The following NFX1 variants were observed in gnomAD, a reference collection of about 807,000 sequenced individuals.
The protein encoded by NFX1 is nuclear transcription factor, X-box binding 1.
In NFX1, 69 loss-of-function variants were observed where a neutral mutation model predicts 137.2. That is an observed-to-expected ratio of 0.50 (90% CI 0.41 to 0.61). The LOEUF is 0.61. Among genes scored for constraint, NFX1 ranks in the 20% least tolerant of loss-of-function variants. NFX1 has a pLI of 0.00. For missense variants in NFX1, 1,167 were observed against 1,391.0 expected (o/e 0.84, Z 2.56); for synonymous variants, 495 against 474.1 (o/e 1.04, Z -0.57).
Position 33,343,979 on chromosome 9 carries a change from G to C in NFX1, c.2225-90G>C, listed in dbSNP as rs1823317826. The C allele has an allele frequency of 7.7e-6, 12 of 1,548,950 alleles. No homozygotes were observed. In the South Asian group the frequency reaches 1.4e-4, roughly 18 times the overall value. On this transcript the variant is annotated intron_variant, in intron 13 of 23. Transcript: ENST00000379540. The stretch of plus-strand genomic sequence containing the variant: ...CATAAATTCTCCTCTAAAAATACAA[G>C]CAAAAATGTGTGTGTTTGTGTGTGT...
chr9:33,352,724 G>T lies in NFX1; in HGVS notation c.2729+5G>T. 6.2e-7 allele frequency: 1 copy of T among 1,612,466 alleles called. No homozygotes were observed. The highest frequency in any genetic ancestry group is 1.1e-5 in the South Asian group (1 of 91,032). ...AGCATCTAGTACTTATCAAAGGTTA[G>T]TGTTACTTAAATGTTAACAACTGAT... On this transcript the variant is annotated splice_donor_5th_base_variant and intron_variant, in intron 17 of 23. Transcript: ENST00000379540.
chr9:33,345,092 G>A (rs1474846192), intron 14 of NFX1, among the ~76,000 whole-genome samples: 1 of 152,170 alleles, frequency 6.6e-6, no homozygotes, highest in East Asian at 1.9e-4. Context: ...AATCCGGGAG[G>A]CAGAGGTTGC....
intron 18 of NFX1, 115 bp from the exon 19 acceptor site, chr9:33,354,736 G>GT: frequency 2.1e-6 from 2 of 962,642 alleles, no homozygotes; most frequent in Admixed American, 3.1e-5. Flanking sequence ...CTGAGGGATT[G>GT]TTTTTTGGCA....
chr9:33,308,333 T>C (rs762974777), intron 5 of NFX1, among the ~76,000 whole-genome samples: 2 of 152,150 alleles, frequency 1.3e-5, no homozygotes, highest in African/African-American at 4.8e-5. Context: ...TCCCAGCTAC[T>C]TGGGAGGCTG....
chr9:33,302,967 C>CTT (rs35723578), intron 3 of NFX1, among the ~76,000 whole-genome samples: 6 of 119,294 alleles, frequency 5.0e-5, no homozygotes, highest in East Asian at 4.7e-4. Context: ...CACACCTGGC[C>CTT]TTTTTTTTTT....
chr9:33,362,909 G>A (rs2118690962), intron 19 of NFX1, among the ~76,000 whole-genome samples: 1 of 152,084 alleles, frequency 6.6e-6, no homozygotes, highest in South Asian at 2.1e-4. Context: ...TCTCCATGTT[G>A]GTCAGGCTGG....
intron 14 of NFX1, among the ~76,000 whole-genome samples, chr9:33,346,496 A>C (rs191149095): frequency 6.6e-6 from 1 of 152,294 alleles, no homozygotes; most frequent in Admixed American, 6.5e-5. Flanking sequence ...AGATGGGCTA[A>C]ATAATGTGGC....
At chr9:33,300,140 C>A (rs959665524) in intron 2 of NFX1, among the ~76,000 whole-genome samples, 2 of 139,054 alleles carry the variant, frequency 1.4e-5, no homozygotes, top group African/African-American at 5.6e-5. Flanking sequence ...CGGCTCACTG[C>A]AACCTCCGCC....
intron 7 of NFX1, among the ~76,000 whole-genome samples, chr9:33,317,844 C>T (rs888313369): frequency 6.6e-6 from 1 of 151,478 alleles, no homozygotes; most frequent in Non-Finnish European, 1.5e-5. Flanking sequence ...GGCGTGGTGG[C>T]GGGCCCCTAT....
intron 2 of NFX1, among the ~76,000 whole-genome samples, chr9:33,300,450 T>C (rs911814191): frequency 6.6e-6 from 1 of 152,160 alleles, no homozygotes. Context: ...TTTTAACTTA[T>C]TTAGACCTGA....
rs1049798705 is a variant in NFX1 at position 33,338,372 on chromosome 9, A to G, written c.2036-138A>G. On this transcript the variant is annotated intron_variant, in intron 11 of 23. Coordinates refer to ENST00000379540, the MANE Select transcript of NFX1 (RefSeq NM_002504.6). ...TCCATCTCAAAAAACAAAACAAAACAAAAAAAACTGCATTTACATTATTAC... is the reference window on the plus strand; with the variant it reads ...TCCATCTCAAAAAACAAAACAAAACGAAAAAAACTGCATTTACATTATTAC... 6.4e-6 allele frequency: 5 copies of G among 781,702 alleles called. No homozygotes were observed. In the African/African-American group the frequency reaches 9.0e-5, roughly 14 times the overall value. 48.4% of individuals were successfully genotyped at this position (781,702 alleles called of 1,614,324 possible).
chr9:33,313,550 G>A, intron 6 of NFX1, 104 bp from the exon 7 acceptor site: 1 of 1,073,382 alleles, frequency 9.3e-7, no homozygotes, highest in Non-Finnish European at 1.4e-6. Context: ...GTTAGAGAAA[G>A]GCTTAGTGGG....
Position 33,290,540 on chromosome 9 carries a change from C to T in NFX1, c.-33C>T. ...TGACCTGGTGACAGTGCTGACTTGG[C>T]TGTACAGCTCGATCTAGGTTCTGCG... On this transcript the variant is annotated 5_prime_UTR_variant, in exon 1 of 24. Transcript: ENST00000379540. The T allele has an allele frequency of 3.7e-6, 6 of 1,613,658 alleles. No individual in the cohort carries two copies. In the South Asian group the frequency reaches 4.4e-5, roughly 12 times the overall value.
intron 15 of NFX1, chr9:33,348,807 C>G: frequency 1.0e-6 from 1 of 983,710 alleles, no homozygotes; most frequent in Non-Finnish European, 1.2e-6. Flanking sequence ...ATATAAACCA[C>G]CAGACGTGGT....
At chr9:33,311,291 T>A in intron 6 of NFX1, 114 bp downstream of exon 6, 1 of 970,822 alleles carries the variant, frequency 1.0e-6, no homozygotes, top group Non-Finnish European at 1.6e-6. Context: ...TAGGCATGAA[T>A]AGTACTTTTT....
chr9:33,354,426 A>G (rs1162480757), intron 18 of NFX1, among the ~76,000 whole-genome samples: 1 of 152,224 alleles, frequency 6.6e-6, no homozygotes, highest in East Asian at 1.9e-4. Context: ...AGAGACCTAT[A>G]GGTGTTTAGC....
Position 33,329,829 on chromosome 9 carries a change from T to C in NFX1, c.2004+1151T>C, listed in dbSNP as rs146789262. Among the ~76,000 whole-genome samples, 891 of 152,194 alleles carry C rather than the reference T, an allele frequency of 5.9e-3. 6 individuals carry two copies. The highest frequency in any genetic ancestry group is 9.5e-3 in the Non-Finnish European group (648 of 68,002). On this transcript the variant is annotated intron_variant, in intron 10 of 23. Transcript: ENST00000379540. ...GCATGCCATCACACCCGGCTAATTT[T>C]TGTATTTTTAGTAGAGACGGGATTT... is the stretch of plus-strand genomic sequence containing the variant.
At chr9:33,308,118 C>A (rs1821826635) in intron 5 of NFX1, among the ~76,000 whole-genome samples, 2 of 152,080 alleles carry the variant, frequency 1.3e-5, no homozygotes, top group Admixed American at 6.6e-5. Flanking sequence ...GGATGTCAGT[C>A]TTTTCCCTAC....
At chr9:33,329,817 C>T (rs928859186) in intron 10 of NFX1, among the ~76,000 whole-genome samples, 5 of 152,060 alleles carry the variant, frequency 3.3e-5, no homozygotes, top group African/African-American at 1.2e-4. Flanking sequence ...TGCCATCACA[C>T]CCGGCTAATT....
Sources: gnomAD v4.1 joint callset for allele counts (sites outside exome capture counted in the v4.1 genomes callset) on GRCh38, gnomAD v4.1.1 for gene constraint, MANE v1.5 for transcripts, NCBI Gene and HGNC (gene_info 2026-07-23, HGNC 2026-07-21) for gene names.